Variants in ABCC3 observed in about 807,000 individuals in gnomAD.
The protein encoded by ABCC3 is ATP-binding cassette sub-family C member 3.
ABCC3 carries 121 observed loss-of-function variants against 165.3 expected under a neutral mutation model. That is an observed-to-expected ratio of 0.73 (90% CI 0.63 to 0.85). ABCC3 has a LOEUF of 0.85. ABCC3 is among the 40% of genes least tolerant of loss of function. The pLI is 0.00. For missense variants in ABCC3, 1,869 were observed against 1,964.1 expected, an observed-to-expected ratio of 0.95 and a Z score of 0.92; for synonymous variants, 733 against 810.1, an observed-to-expected ratio of 0.90 and a Z score of 1.62.
chr17:50,668,475 G>A lies in ABCC3; in HGVS notation c.1828G>A (p.Glu610Lys). Reference protein sequence around the residue: ...KRIQQFLSQEELDPQSVERKT... With the variant: ...KRIQQFLSQEKLDPQSVERKT... ...GATCCAGCAATTCCTGAGCCAAGAG[G>A]AACTTGACCCCCAGAGTGTGGAAAG... The change falls in exon 14 of 31, where the codon GAA (glutamate) becomes AAA (lysine). Residue 610 changes from glutamate to lysine, a missense_variant. By Grantham distance (56) the Glu-to-Lys change is moderately conservative. Coordinates refer to ENST00000285238, the MANE Select transcript of ABCC3 (RefSeq NM_003786.4). 6.2e-7 allele frequency: 1 copy of A among 1,613,980 alleles called. No individual in the cohort carries two copies. The highest frequency in any genetic ancestry group is 8.5e-7 in the Non-Finnish European group (1 of 1,179,936).
intron 26 of ABCC3, 130 bp from the exon 27 acceptor site, chr17:50,683,480 A>G: frequency 9.6e-7 from 1 of 1,037,088 alleles, no homozygotes; most frequent in Non-Finnish European, 1.3e-6. Context: ...AGGCTGAGCC[A>G]CAGGGGTGCC....
chr17:50,671,188 G>A (rs1049061782), intron 17 of ABCC3, among the ~76,000 whole-genome samples: 8 of 151,722 alleles, frequency 5.3e-5, no homozygotes, highest in Non-Finnish European at 7.4e-5. Flanking sequence ...CCCAGGAGGC[G>A]GAGGTTGCAA....
At chr17:50,684,158 G>A (rs753853387) in intron 28 of ABCC3, 51 bp downstream of exon 28, 3 of 1,592,028 alleles carry the variant, frequency 1.9e-6, no homozygotes. Context: ...CTGGAGGCAG[G>A]CCCCACCTTG....
chr17:50,663,800 AC>A lies in ABCC3; in HGVS notation c.1119del (p.Tyr373Ter). ...QSLILQHYYH[Y>X]IFVTGVKFRT... ...CTGATCTTACAACACTATTACCACTACATCTTTGTGACTGGGGTGAAGTTTC... is the reference window on the plus strand; with the variant it reads ...CTGATCTTACAACACTATTACCACTAATCTTTGTGACTGGGGTGAAGTTTC... On this transcript the variant is annotated frameshift_variant, in exon 9 of 31. Coordinates refer to ENST00000285238, the MANE Select transcript of ABCC3 (RefSeq NM_003786.4). LOFTEE classifies it high-confidence loss of function. 1 of 1,614,092 alleles carries A rather than the reference AC, an allele frequency of 6.2e-7. No homozygotes were observed. The highest frequency in any genetic ancestry group is 8.5e-7 in the Non-Finnish European group (1 of 1,180,030).
At chr17:50,653,162 A>AT (rs1967144193) in intron 1 of ABCC3, among the ~76,000 whole-genome samples, 1 of 151,796 alleles carries the variant, frequency 6.6e-6, no homozygotes, top group Non-Finnish European at 1.5e-5. Context: ...CCTGGCCTAC[A>AT]TGGTGAAACC....
intron 27 of ABCC3, 91 bp from the exon 28 acceptor site, chr17:50,683,858 C>G: frequency 6.4e-7 from 1 of 1,561,894 alleles, no homozygotes; most frequent in Non-Finnish European, 8.7e-7. Context: ...AGTGCTCCAG[C>G]CACATGTTTG....
Position 50,676,410 on chromosome 17 carries a change from G to C in ABCC3, c.3200G>C (p.Arg1067Pro). 6.2e-7 allele frequency: 1 copy of C among 1,614,180 alleles called. No homozygotes were observed. The highest frequency in any genetic ancestry group is 8.5e-7 in the Non-Finnish European group (1 of 1,180,036). Reference sequence around the variant, plus strand: ...TTCTTTGACACCACACCATCAGGCCGCATCCTGAACTGCTTCTCCAAGGAC... The same window carrying C: ...TTCTTTGACACCACACCATCAGGCCCCATCCTGAACTGCTTCTCCAAGGAC... ...QSFFDTTPSG[R>P]ILNCFSKDIY... Residue 1067 changes from arginine to proline, a missense_variant, in exon 23 of 31, where the codon CGC (arginine) becomes CCC (proline). By Grantham distance (103) the Arg-to-Pro change is moderately radical (BLOSUM62 -2). Transcript: ENST00000285238.
chr17:50,682,704 A>G (rs1967949548), intron 26 of ABCC3, among the ~76,000 whole-genome samples: 2 of 152,096 alleles, frequency 1.3e-5, no homozygotes, highest in East Asian at 1.9e-4. Flanking sequence ...TGGCCCCAGC[A>G]CTCATCACTT....
intron 30 of ABCC3, among the ~76,000 whole-genome samples, chr17:50,689,620 G>T (rs886557314): frequency 1.1e-4 from 16 of 152,234 alleles, no homozygotes; most frequent in African/African-American, 3.9e-4. Flanking sequence ...GTCAGACCTT[G>T]CTCTCTTGGA....
At chr17:50,649,674 GGGAGGGAGGGAAGGGAA>G (rs1967075696) in intron 1 of ABCC3, among the ~76,000 whole-genome samples, 1 of 146,180 alleles carries the variant, frequency 6.8e-6, no homozygotes, top group Admixed American at 6.9e-5. Flanking sequence ...AAAGAAGGAA[GGGAGGGAGGGAAGGGAA>G]GGAGGGAGGG....
At chr17:50,660,077 T>C (rs902509895) in intron 7 of ABCC3, among the ~76,000 whole-genome samples, 1 of 152,112 alleles carries the variant, frequency 6.6e-6, no homozygotes, top group Admixed American at 6.5e-5. Context: ...AGAGCTGGAA[T>C]CCACATGGAG....
chr17:50,684,258 T>A, intron 28 of ABCC3, 151 bp downstream of exon 28: 1 of 1,099,836 alleles, frequency 9.1e-7, no homozygotes, highest in Non-Finnish European at 1.3e-6. Context: ...GAGCCATCAG[T>A]GAGCCACCCG....
intron 23 of ABCC3, among the ~76,000 whole-genome samples, chr17:50,676,997 T>C (rs990127720): frequency 6.6e-6 from 1 of 152,116 alleles, no homozygotes; most frequent in Non-Finnish European, 1.5e-5. Context: ...CAATTCTGTT[T>C]CAGCCTCCCA....
chr17:50,671,517 A>C (rs1445570062), intron 17 of ABCC3, among the ~76,000 whole-genome samples: 1 of 152,000 alleles, frequency 6.6e-6, no homozygotes, highest in Non-Finnish European at 1.5e-5. Flanking sequence ...GCCTGAAACT[A>C]GGTAATTTAT....
At chr17:50,637,532 C>T (rs2054191324) in intron 1 of ABCC3, among the ~76,000 whole-genome samples, 2 of 152,010 alleles carry the variant, frequency 1.3e-5, no homozygotes, top group Admixed American at 6.6e-5. Flanking sequence ...CAGGGCAGCC[C>T]GGAAGTACCT....
intron 4 of ABCC3, among the ~76,000 whole-genome samples, chr17:50,657,748 C>T (rs1313500683): frequency 6.6e-6 from 1 of 152,182 alleles, no homozygotes; most frequent in Non-Finnish European, 1.5e-5. Context: ...TGGGCTCGGG[C>T]GGGTCGCTGA....
At chr17:50,659,127 A>C in intron 6 of ABCC3, 110 bp from the exon 7 acceptor site, 1 of 1,340,620 alleles carries the variant, frequency 7.5e-7, no homozygotes. Flanking sequence ...TGCCCGAGGG[A>C]GACCCTCCTT....
Position 50,691,264 on chromosome 17 carries a change from A to C in ABCC3, c.*64A>C. On this transcript the variant is annotated 3_prime_UTR_variant, in exon 31 of 31. Transcript: ENST00000285238. ...TTCATCAGGAAGGAAATGACACCAA[A>C]TATGTCCGCAGAATGGACTTGATAG... 1 of 1,288,538 alleles carries C rather than the reference A, an allele frequency of 7.8e-7. No homozygotes were observed. The highest frequency in any genetic ancestry group is 1.1e-6 in the Non-Finnish European group (1 of 891,342). The allele number at this position is 1,288,538 out of a possible 1,614,324, so 79.8% of individuals were successfully genotyped here. A position where few individuals can be genotyped will look rare whatever the true frequency, so the allele number is the denominator to read the frequency against.
chr17:50,660,082 A>T (rs1175974965), intron 7 of ABCC3, among the ~76,000 whole-genome samples: 1 of 152,162 alleles, frequency 6.6e-6, no homozygotes, highest in Non-Finnish European at 1.5e-5. Context: ...TGGAATCCAC[A>T]TGGAGCCGGC....
Sources: allele counts gnomAD v4.1 joint callset (sites outside exome capture counted in the v4.1 genomes callset), GRCh38; gene constraint gnomAD v4.1.1; transcripts MANE v1.5; gene names NCBI Gene and HGNC (gene_info 2026-07-23, HGNC 2026-07-21).